EEFSEC: variants seen among roughly 807,000 people sequenced by gnomAD.
EEFSEC encodes the protein eukaryotic elongation factor, selenocysteine-tRNA specific, also known as selenocysteine-specific elongation factor.
In EEFSEC, 43 loss-of-function variants were observed where a neutral mutation model predicts 42.1. The ratio of observed to expected loss-of-function variants is 1.02; its 90% CI spans 0.80 to 1.32. EEFSEC has a LOEUF of 1.32. EEFSEC is among the 40% of genes most tolerant of loss of function. EEFSEC has a pLI of 0.00. For missense variants in EEFSEC, 745 were observed against 803.6 expected (o/e 0.93, Z 0.88); for synonymous variants, 354 against 339.1 (o/e 1.04, Z -0.48).
intron 1 of EEFSEC, among the ~76,000 whole-genome samples, chr3:128,209,784 T>A (rs758595808): frequency 2.6e-5 from 4 of 152,244 alleles, no homozygotes; most frequent in Non-Finnish European, 5.9e-5. Context: ...GATTCGCTTT[T>A]GTTATAAAGG....
chr3:128,359,653 G>A (rs1352012288), intron 6 of EEFSEC, among the ~76,000 whole-genome samples: 2 of 152,148 alleles, frequency 1.3e-5, no homozygotes, highest in Non-Finnish European at 2.9e-5. Context: ...CAAACATACA[G>A]CAAAGTTGAA....
chr3:128,230,742 A>G (rs1206881324), intron 1 of EEFSEC, among the ~76,000 whole-genome samples: 1 of 152,204 alleles, frequency 6.6e-6, no homozygotes, highest in Non-Finnish European at 1.5e-5. Context: ...CTCGCTTAGC[A>G]TGCAGATTGG....
chr3:128,279,165 C>T lies in EEFSEC; in HGVS notation c.786+14384C>T, dbSNP rs78694986. On this transcript the variant is annotated intron_variant, in intron 4 of 6. Coordinates refer to ENST00000254730, the MANE Select transcript of EEFSEC (RefSeq NM_021937.5). ...ATACGGCGGCGGCGTTGGGCAGTGG[C>T]GGCCATCTCCCGCCCAGCTTAGTAC... 3.8e-4 allele frequency among the ~76,000 whole-genome samples: 58 copies of T among 152,300 alleles called. 1 individual carries two copies. The East Asian group carries it at 0.011, about 28-fold the overall frequency.
intron 2 of EEFSEC, among the ~76,000 whole-genome samples, chr3:128,261,599 G>C (rs62273566): frequency 8.0e-6 from 1 of 124,280 alleles, no homozygotes; most frequent in Non-Finnish European, 1.6e-5. Context: ...TTTTTTAAAT[G>C]GGAAAGATAA....
chr3:128,332,934 G>T (rs1028972030), intron 4 of EEFSEC, among the ~76,000 whole-genome samples: 2 of 152,222 alleles, frequency 1.3e-5, no homozygotes, highest in Admixed American at 6.5e-5. Flanking sequence ...AATTGGTTAG[G>T]TCTGATGGAG....
At chr3:128,388,003 C>T (rs1576693411) in intron 6 of EEFSEC, among the ~76,000 whole-genome samples, 1 of 152,182 alleles carries the variant, frequency 6.6e-6, no homozygotes, top group Non-Finnish European at 1.5e-5. Flanking sequence ...AAGGTGCAGC[C>T]ATTAGGGTGC....
At chr3:128,406,224 C>A (rs1328742909) in intron 6 of EEFSEC, among the ~76,000 whole-genome samples, 4 of 152,218 alleles carry the variant, frequency 2.6e-5, no homozygotes, top group African/African-American at 9.6e-5. Flanking sequence ...ACCATGCTGC[C>A]ACCAGGAGAT....
intron 1 of EEFSEC, 43 bp downstream of exon 1, chr3:128,153,866 CGGA>C: frequency 2.7e-6 from 4 of 1,457,558 alleles, no homozygotes; most frequent in Non-Finnish European, 3.6e-6. Flanking sequence ...GGGACGCGGG[CGGA>C]GCGACCGGGC....
chr3:128,189,577 C>T (rs867047381), intron 1 of EEFSEC, among the ~76,000 whole-genome samples: 37 of 133,686 alleles, frequency 2.8e-4, no homozygotes, highest in Admixed American at 8.6e-4. Context: ...TTTTTTTTTC[C>T]GAGCCAGGGT....
chr3:128,179,403 T>C (rs562413725), intron 1 of EEFSEC, among the ~76,000 whole-genome samples: 2 of 152,240 alleles, frequency 1.3e-5, no homozygotes, highest in East Asian at 1.9e-4. Context: ...GGCATTCGCA[T>C]TGGCTAGAGG....
intron 6 of EEFSEC, among the ~76,000 whole-genome samples, chr3:128,403,005 T>C (rs1436602771): frequency 1.3e-5 from 2 of 150,602 alleles, no homozygotes; most frequent in Admixed American, 6.6e-5. Context: ...CATTAGAAGG[T>C]GATAAGAGCT....
chr3:128,204,497 C>T (rs1326837407), intron 1 of EEFSEC, among the ~76,000 whole-genome samples: 1 of 152,134 alleles, frequency 6.6e-6, no homozygotes, highest in Admixed American at 6.5e-5. Context: ...CCCTCTCTCT[C>T]CTTGTGTCTG....
At chr3:128,198,791 A>AT (rs1288578669) in intron 1 of EEFSEC, among the ~76,000 whole-genome samples, 1 of 150,380 alleles carries the variant, frequency 6.6e-6, no homozygotes, top group Non-Finnish European at 1.5e-5. Context: ...GGAAGGAGAC[A>AT]TTTTTTCATA....
intron 1 of EEFSEC, among the ~76,000 whole-genome samples, chr3:128,156,494 A>T (rs1944383739): frequency 1.3e-5 from 2 of 152,178 alleles, no homozygotes; most frequent in Non-Finnish European, 2.9e-5. Context: ...TACTTTGCAG[A>T]TAGTGGTTTT....
intron 6 of EEFSEC, among the ~76,000 whole-genome samples, chr3:128,387,061 G>C (rs1002915010): frequency 6.6e-6 from 1 of 152,254 alleles, no homozygotes; most frequent in Non-Finnish European, 1.5e-5. Flanking sequence ...CAGGTGAGGA[G>C]GATGGACAAC....
chr3:128,223,995 T>C (rs1034122892), intron 1 of EEFSEC, among the ~76,000 whole-genome samples: 2 of 151,878 alleles, frequency 1.3e-5, no homozygotes, highest in Admixed American at 6.6e-5. Context: ...AAAAAAAACA[T>C]TTTCTATTCT....
chr3:128,161,745 T>C lies in EEFSEC; in HGVS notation c.316+7922T>C, dbSNP rs145732046. ...AGAAGGCTCTTCCCCTTTCATCTGT[T>C]TTATTGAGGTGTGTGCCCTTCATTC... is the stretch of plus-strand genomic sequence containing the variant. On this transcript the variant is annotated intron_variant, in intron 1 of 6. Coordinates refer to ENST00000254730, the MANE Select transcript of EEFSEC (RefSeq NM_021937.5). Among the ~76,000 whole-genome samples, 366 of 152,314 alleles carry C rather than the reference T, an allele frequency of 2.4e-3. 1 individual carries two copies. Among genetic ancestry groups the C allele is most frequent in the African/African-American group, 8.1e-3 (338 of 41,562 alleles).
chr3:128,223,463 A>G (rs1291120877), intron 1 of EEFSEC, among the ~76,000 whole-genome samples: 1 of 152,194 alleles, frequency 6.6e-6, no homozygotes, highest in Non-Finnish European at 1.5e-5. Flanking sequence ...AGCTGAAGTG[A>G]AAGCAGTCTT....
chr3:128,268,335 T>C (rs1444113709), intron 4 of EEFSEC, among the ~76,000 whole-genome samples: 2 of 152,168 alleles, frequency 1.3e-5, no homozygotes, highest in Non-Finnish European at 2.9e-5. Context: ...TAGGAACTTT[T>C]TGAGCTGATG....
Sources: allele counts gnomAD v4.1 joint callset (sites outside exome capture counted in the v4.1 genomes callset), GRCh38; gene constraint gnomAD v4.1.1; transcripts MANE v1.5; gene names NCBI Gene and HGNC (gene_info 2026-07-23, HGNC 2026-07-21).